The following GMEB2 variants were observed in gnomAD, a reference collection of about 807,000 sequenced individuals.
GMEB2 encodes the protein glucocorticoid modulatory element-binding protein 2.
Under a neutral mutation model 45.7 loss-of-function variants are expected in GMEB2, and 7 were observed. The observed-to-expected ratio is 0.15, with a 90% CI of 0.09 to 0.29. GMEB2 has a LOEUF of 0.29. Among genes scored for constraint, GMEB2 ranks in the 10% least tolerant of loss-of-function variants. GMEB2 has a pLI of 1.00. For synonymous variants in GMEB2, 322 were observed against 323.6 expected, an observed-to-expected ratio of 1.00 and a Z score of 0.05; for missense variants, 582 against 739.2, an observed-to-expected ratio of 0.79 and a Z score of 2.47.
intron 3 of GMEB2, 83 bp downstream of exon 3, chr20:63,604,660 G>A (rs2146071647): frequency 2.4e-6 from 2 of 824,508 alleles, no homozygotes; most frequent in East Asian, 2.4e-5. Flanking sequence ...GTATATCTCT[G>A]GCTGTTCCTC....
At chr20:63,618,602 A>C (rs1287022470) in intron 2 of GMEB2, among the ~76,000 whole-genome samples, 7 of 152,196 alleles carry the variant, frequency 4.6e-5, no homozygotes, top group African/African-American at 1.7e-4. Context: ...CAGCATGAAG[A>C]TGCCACACAT....
intron 2 of GMEB2, among the ~76,000 whole-genome samples, chr20:63,614,520 A>T (rs1444155590): frequency 2.0e-5 from 3 of 152,122 alleles, no homozygotes; most frequent in African/African-American, 7.2e-5. Context: ...CAGGAAAGAG[A>T]GTCTCCCTTT....
At chr20:63,603,660 T>C (rs886073594) in intron 3 of GMEB2, among the ~76,000 whole-genome samples, 8 of 151,784 alleles carry the variant, frequency 5.3e-5, no homozygotes, top group African/African-American at 1.2e-4. Flanking sequence ...GAGAATGGCA[T>C]GAACCCGGGA....
chr20:63,590,140 G>A lies in GMEB2; in HGVS notation c.1542C>T (p.His514=). ...PAGAAPGPEE[H]TATIEVAAMA... ...TGGCAGCCACCTCAATGGTGGCCGT[G>A]TGCTCCTCAGGCCCGGGGGCAGCCC... The change falls in exon 10 of 10, where the codon CAC becomes CAT. Residue 514 remains histidine, a synonymous_variant. Coordinates refer to ENST00000370077, the MANE Select transcript of GMEB2 (RefSeq NM_012384.5). The A allele has an allele frequency of 1.3e-6, 2 of 1,552,984 alleles. No individual in the cohort carries two copies. Among genetic ancestry groups the A allele is most frequent in the Non-Finnish European group, 1.7e-6 (2 of 1,148,194 alleles).
At chr20:63,626,825 C>G (rs1035498507) in intron 1 of GMEB2, 131 bp downstream of exon 1, 11 of 147,026 alleles carry the variant, frequency 7.5e-5, no homozygotes, top group Non-Finnish European at 1.7e-4. Flanking sequence ...GCGGCCGCCC[C>G]TCCCCCGGCC....
intron 2 of GMEB2, among the ~76,000 whole-genome samples, chr20:63,615,221 A>G (rs930839731): frequency 1.3e-5 from 2 of 152,150 alleles, no homozygotes; most frequent in African/African-American, 4.8e-5. Context: ...CGAAAAAGAG[A>G]CTTTTCTGAG....
intron 2 of GMEB2, among the ~76,000 whole-genome samples, chr20:63,607,703 CCT>C (rs1481674412): frequency 6.3e-5 from 1 of 15,802 alleles, no homozygotes; most frequent in East Asian, 6.5e-4. Flanking sequence ...GAAACATGCC[CCT>C]GTGACCCCAC....
intron 4 of GMEB2, among the ~76,000 whole-genome samples, chr20:63,600,346 A>G (rs1188657040): frequency 1.3e-5 from 2 of 150,826 alleles, no homozygotes; most frequent in Non-Finnish European, 3.0e-5. Context: ...TGCCCAGCCT[A>G]CATTTTTTTC....
intron 4 of GMEB2, among the ~76,000 whole-genome samples, chr20:63,599,003 T>TCACCCCAGGTTTTCCTCTCCC (rs1469435156): frequency 2.0e-5 from 3 of 152,208 alleles, no homozygotes; most frequent in Admixed American, 2.0e-4. Context: ...GTTACTCTTC[T>TCACCCCAGGTTTTCCTCTCCC]CACCCCAGGT....
chr20:63,590,579 G>A lies in GMEB2; in HGVS notation c.1103C>T (p.Pro368Leu), dbSNP rs763512161. 1.3e-5 allele frequency: 21 copies of A among 1,577,338 alleles called. No homozygotes were observed. Among genetic ancestry groups the A allele is most frequent in the Admixed American group, 1.8e-5 (1 of 54,778 alleles). Residue 368 changes from proline to leucine, a missense_variant, in exon 10 of 10, where the codon CCG becomes CTG. Coordinates refer to ENST00000370077, the MANE Select transcript of GMEB2 (RefSeq NM_012384.5). ...RPRLARATSG[P>L]AAMASQVLTQ... is the part of the protein sequence containing the mutation. ...GAGCACCTGCGAGGCCATGGCGGCCGGTCCTGATGTGGCACGTGCAAGCCG... is the reference window on the plus strand; with the variant it reads ...GAGCACCTGCGAGGCCATGGCGGCCAGTCCTGATGTGGCACGTGCAAGCCG...
At chr20:63,604,087 C>T (rs964482815) in intron 3 of GMEB2, among the ~76,000 whole-genome samples, 1 of 147,334 alleles carries the variant, frequency 6.8e-6, no homozygotes, top group African/African-American at 2.5e-5. Context: ...TTTTACTGGC[C>T]AGGCTCAGTG....
At chr20:63,620,389 TC>T (rs2089636773) in intron 1 of GMEB2, among the ~76,000 whole-genome samples, 1 of 151,804 alleles carries the variant, frequency 6.6e-6, no homozygotes, top group Non-Finnish European at 1.5e-5. Context: ...TCACTCTCCA[TC>T]CCCTACCTAG....
chr20:63,620,060 G>A (rs562030599), intron 1 of GMEB2, among the ~76,000 whole-genome samples: 1 of 152,278 alleles, frequency 6.6e-6, no homozygotes, highest in African/African-American at 2.4e-5. Context: ...TGATTCTCCT[G>A]CCTCAGCCTC....
Position 63,604,794 on chromosome 20 carries a change from CTG to C in GMEB2, c.176_177del (p.Ala59GlyfsTer22). On this transcript the variant is annotated frameshift_variant, in exon 3 of 10. Coordinates refer to ENST00000370077, the MANE Select transcript of GMEB2 (RefSeq NM_012384.5). LOFTEE classifies it high-confidence loss of function. Reference protein sequence around the residue: ...EDNMETENAAAAAAAAFTASS... With the variant: ...EDNMETENAAXAAAAAFTASS... ...GAGGCTGTGAAGGCCGCGGCAGCTG[CTG>C]CCGCTGCATTTTCTGTCTCCATGTT... The C allele has an allele frequency of 6.2e-7, 1 of 1,612,846 alleles. No individual in the cohort carries two copies. The highest frequency in any genetic ancestry group is 8.5e-7 in the Non-Finnish European group (1 of 1,178,906).
intron 2 of GMEB2, among the ~76,000 whole-genome samples, chr20:63,610,464 T>G (rs2089560958): frequency 6.6e-6 from 1 of 151,934 alleles, no homozygotes; most frequent in South Asian, 2.1e-4. Flanking sequence ...GAGGTTACAG[T>G]GAGCCGAGAT....
At chr20:63,622,909 C>A (rs980796679) in intron 1 of GMEB2, among the ~76,000 whole-genome samples, 1 of 152,232 alleles carries the variant, frequency 6.6e-6, no homozygotes, top group Non-Finnish European at 1.5e-5. Flanking sequence ...CTGACGCCAG[C>A]CTGGCCTGGG....
intron 1 of GMEB2, among the ~76,000 whole-genome samples, chr20:63,626,692 C>G (rs1030491267): frequency 6.6e-5 from 10 of 151,232 alleles, no homozygotes; most frequent in African/African-American, 2.2e-4. Flanking sequence ...GAGGAGGCCG[C>G]TGGAGGCCGA....
At chr20:63,620,485 G>A (rs1416136079) in intron 1 of GMEB2, among the ~76,000 whole-genome samples, 4 of 152,180 alleles carry the variant, frequency 2.6e-5, no homozygotes, top group Non-Finnish European at 5.9e-5. Flanking sequence ...AAGAGGAGAG[G>A]GGAGAAGAGA....
At chr20:63,601,530 CTCTTT>C (rs1442581360) in intron 4 of GMEB2, among the ~76,000 whole-genome samples, 3 of 140,214 alleles carry the variant, frequency 2.1e-5, no homozygotes, top group East Asian at 1.9e-4. Flanking sequence ...TACTCATGCT[CTCTTT>C]TCTTTTTTTT....
Sources: gnomAD v4.1 joint callset for allele counts (sites outside exome capture counted in the v4.1 genomes callset) on GRCh38, gnomAD v4.1.1 for gene constraint, MANE v1.5 for transcripts, NCBI Gene and HGNC (gene_info 2026-07-23, HGNC 2026-07-21) for gene names.